Variants in FLII observed in about 807,000 individuals in gnomAD.
FLII encodes the protein FLII actin remodeling protein.
Under a neutral mutation model 156.2 loss-of-function variants are expected in FLII, and 101 were observed. That is an observed-to-expected ratio of 0.65 (90% CI 0.55 to 0.76). The LOEUF (loss-of-function observed/expected upper bound fraction) is 0.76, where lower values mean the gene tolerates loss of function less well. Among genes scored for constraint, FLII ranks in the 30% least tolerant of loss-of-function variants. The pLI, the probability that FLII is intolerant of heterozygous loss-of-function variation, is 0.00. For synonymous variants in FLII, 767 were observed against 685.8 expected (o/e 1.12, Z -1.85); for missense variants, 1,675 against 1,682.8 (o/e 1.00, Z 0.08).
rs776144241 is a variant in FLII, at chr17:18,247,172, G to A, written c.2673C>T (p.Ala891=). ...FLPRQPPMSL[A]EAEQLMEEWN... The stretch of plus-strand genomic sequence containing the variant: ...CCGGTCCCGGCCCTGCCCCCACCTC[G>A]GCCAGCGACATGGGCGGCTGCCGCG... The change falls in exon 21 of 30, where the codon GCC becomes GCT. Residue 891 remains alanine, a synonymous_variant. Transcript: ENST00000327031. 2.6e-6 allele frequency: 3 copies of A among 1,146,886 alleles called. No individual in the cohort carries two copies. The highest frequency in any genetic ancestry group is 3.3e-6 in the Non-Finnish European group (3 of 918,576). The allele number at this position is 1,146,886 out of a possible 1,614,324, so 71.0% of individuals were successfully genotyped here.
rs1436877829 is a variant in FLII, at chr17:18,254,132, T to A, written c.626A>T (p.Gln209Leu). Residue 209 changes from glutamine (Q) to leucine (L), a missense_variant, in exon 7 of 30, where the codon CAG becomes CTG. By Grantham distance (113) the Gln-to-Leu change is moderately radical (BLOSUM62 -2). Around this residue, in one of 2 missense-constraint regions of FLII, gnomAD observed 343 missense variants for 413.5 expected, o/e 0.83. Coordinates refer to ENST00000327031, the MANE Select transcript of FLII (RefSeq NM_002018.4). ...GGTGGGCAGGTTGCTCTGGGTGCGC[T>A]GGGTGCTCCGCAGGTGCAGGGTCTG... is the stretch of plus-strand genomic sequence containing the variant. ...ALQTLHLRST[Q>L]RTQSNLPTSL... The A allele has an allele frequency of 1.2e-6, 2 of 1,611,650 alleles. No homozygotes were observed. The highest frequency in any genetic ancestry group is 1.7e-6 in the Non-Finnish European group (2 of 1,179,000).
rs2048179608 is a variant in FLII at position 18,249,126 on chromosome 17, C to G, written c.1934+1G>C. 1 of 1,613,598 alleles carries G rather than the reference C, an allele frequency of 6.2e-7. No individual in the cohort carries two copies. The highest frequency in any genetic ancestry group is 1.3e-5 in the African/African-American group (1 of 74,930). On this transcript the variant is annotated splice_donor_variant, in intron 16 of 29. Coordinates refer to ENST00000327031, the MANE Select transcript of FLII (RefSeq NM_002018.4). LOFTEE classifies it high-confidence loss of function. ...CCCCACCTCACATTGTTGGGGCTCA[C>G]CTTGGGTCCAGAGAGGTCCCCTTGA...
Position 18,251,836 on chromosome 17 carries a change from G to A in FLII, c.1247-20C>T. 1 of 1,613,120 alleles carries A rather than the reference G, an allele frequency of 6.2e-7. No individual in the cohort carries two copies. The highest frequency in any genetic ancestry group is 8.5e-7 in the Non-Finnish European group (1 of 1,179,984). On this transcript the variant is annotated intron_variant, in intron 11 of 29. Coordinates refer to ENST00000327031, the MANE Select transcript of FLII (RefSeq NM_002018.4). ...TCCCTGCTTAGGGGAGGGGCAAACA[G>A]CTGAGCCCTCACTGGGCCTGCTGCC...
chr17:18,257,530 G>C (rs2048459559), intron 1 of FLII, among the ~76,000 whole-genome samples: 2 of 152,212 alleles, frequency 1.3e-5, no homozygotes, highest in African/African-American at 2.4e-5. Context: ...CTCCCCTGGT[G>C]TGTGAACGCC....
chr17:18,247,094 GCT>G, intron 21 of FLII, 42 bp from the exon 22 acceptor site: 5 of 1,595,106 alleles, frequency 3.1e-6, no homozygotes, highest in Non-Finnish European at 4.3e-6. Flanking sequence ...GTCTGAGCGC[GCT>G]CTGCGCATAG....
chr17:18,248,646 C>G lies in FLII; in HGVS notation c.2094G>C (p.Glu698Asp). The change falls in exon 18 of 30, where the codon GAG becomes GAC. Residue 698 changes from glutamate to aspartate, a missense_variant. Physicochemically the swap from Glu to Asp is conservative, Grantham distance 45. Coordinates refer to ENST00000327031, the MANE Select transcript of FLII (RefSeq NM_002018.4). ...CCAGTGCCTCCCAGAACTCTGGGAG[C>G]TCCTGGCCCTGCACCAGCAGTGTGA... ...AEITLLVQGQELPEFWEALGG... is the reference protein window; with the variant it reads ...AEITLLVQGQDLPEFWEALGG... 1 of 1,613,884 alleles carries G rather than the reference C, an allele frequency of 6.2e-7. No individual in the cohort carries two copies. The highest frequency in any genetic ancestry group is 8.5e-7 in the Non-Finnish European group (1 of 1,179,840).
At position 18,247,132 on chromosome 17, in the gene FLII, C is replaced by G. The variant is rs774983584; in HGVS notation, c.2676+37G>C. 1.4e-4 allele frequency: 75 copies of G among 536,306 alleles called. 3 individuals are homozygous for G. The African/African-American group carries it at 1.6e-3, about 12-fold the overall frequency. The allele number at this position is 536,306 out of a possible 1,614,324, so 33.2% of individuals were successfully genotyped here. A position where few individuals can be genotyped will look rare whatever the true frequency, so the allele number is the denominator to read the frequency against. The stretch of plus-strand genomic sequence containing the variant: ...GCCCCGCCCTCGGCCTGCCCCCCAC[C>G]CCCCCCCCCGCGCCCCGGTCCCGGC... On this transcript the variant is annotated intron_variant, in intron 21 of 29. Coordinates refer to ENST00000327031, the MANE Select transcript of FLII (RefSeq NM_002018.4).
At position 18,248,633 on chromosome 17, in the gene FLII, A is replaced by G. The variant is rs759951715; in HGVS notation, c.2107T>C (p.Trp703Arg). The G allele has an allele frequency of 6.2e-7, 1 of 1,613,964 alleles. No homozygotes were observed. Among genetic ancestry groups the G allele is most frequent in the Non-Finnish European group, 8.5e-7 (1 of 1,179,982 alleles). Residue 703 changes from tryptophan to arginine, a missense_variant, in exon 18 of 30, where the codon TGG becomes CGG. By Grantham distance (101) the Trp-to-Arg change is moderately radical. Transcript: ENST00000327031. ...LVQGQELPEF[W>R]EALGGEPSEI... ...GAGGGCTCCCCACCCAGTGCCTCCC[A>G]GAACTCTGGGAGCTCCTGGCCCTGC...
chr17:18,256,832 T>C (rs561365283), intron 2 of FLII, 77 bp downstream of exon 2: 28 of 979,288 alleles, frequency 2.9e-5, no homozygotes, highest in Middle Eastern at 4.8e-4. Context: ...TCTGGAGAAG[T>C]TGTCTGCCTT....
intron 3 of FLII, 137 bp downstream of exon 3, chr17:18,256,389 G>T: frequency 1.5e-6 from 1 of 673,188 alleles, no homozygotes; most frequent in Non-Finnish European, 2.6e-6. Context: ...GGGCCCCTCT[G>T]TGACACCTGA....
At position 18,245,132 on chromosome 17, in the gene FLII, C is replaced by T. The variant is rs2047982369; in HGVS notation, c.*6G>A. ...CTCACCAAGCCTGGGGCTGTGCCAG[C>T]CTGTCTTAGGCCAGGGCCTTGCAGA... On this transcript the variant is annotated 3_prime_UTR_variant, in exon 30 of 30. Coordinates refer to ENST00000327031, the MANE Select transcript of FLII (RefSeq NM_002018.4). 3.7e-6 allele frequency: 6 copies of T among 1,608,020 alleles called. No individual in the cohort carries two copies. Among genetic ancestry groups the T allele is most frequent in the Non-Finnish European group, 4.3e-6 (5 of 1,176,038 alleles).
chr17:18,246,457 T>C lies in FLII; in HGVS notation c.3057A>G (p.Val1019=). Residue 1019 remains valine (V), a synonymous_variant, in exon 24 of 30, where the codon GTA becomes GTG. Transcript: ENST00000327031. ...GGTTCTCCTGCTGCTGCGTCATGCG[T>C]ACCACCTGGGGATGTGGAAGTGTTA... ...ESLFPGKLEV[V]RMTQQQENPK... 1.2e-6 allele frequency: 2 copies of C among 1,613,942 alleles called. No homozygotes were observed. The highest frequency in any genetic ancestry group is 2.2e-5 in the South Asian group (2 of 91,084).
chr17:18,248,506 G>C (rs1270468540), intron 18 of FLII, 44 bp downstream of exon 18: 9 of 1,551,138 alleles, frequency 5.8e-6, no homozygotes, highest in East Asian at 2.3e-5. Context: ...CCAGTCGGTG[G>C]GTGAACTTGG....
intron 7 of FLII, 78 bp from the exon 8 acceptor site, chr17:18,253,797 G>T: frequency 1.4e-6 from 2 of 1,379,958 alleles, no homozygotes; most frequent in Non-Finnish European, 2.0e-6. Context: ...GTGAACCCCA[G>T]CTCTGCCACC....
Position 18,247,051 on chromosome 17 carries a change from G to C in FLII, c.2678C>G (p.Ala893Gly), listed in dbSNP as rs1301283964. The C allele has an allele frequency of 1.2e-6, 2 of 1,612,056 alleles. No individual in the cohort carries two copies. The part of the protein sequence containing the change: ...PRQPPMSLAE[A>G]EQLMEEWNED... ...GTTCCACTCCTCCATCAGCTGCTCC[G>C]CCTGCAGGTGAGAGGGACCCGCCCC... Residue 893 changes from alanine to glycine, a missense_variant and splice_region_variant, in exon 22 of 30, where the codon GCG becomes GGG. Coordinates refer to ENST00000327031, the MANE Select transcript of FLII (RefSeq NM_002018.4).
chr17:18,245,026 G>T lies in FLII; in HGVS notation c.*112C>A. ...CTGCTTGAGGCTACTGGGGACTGTG[G>T]CACTGGACGTGGCTGGAGCAGGTGG... On this transcript the variant is annotated 3_prime_UTR_variant, in exon 30 of 30. Transcript: ENST00000327031. 3 of 1,202,078 alleles carry T rather than the reference G, an allele frequency of 2.5e-6. No individual in the cohort carries two copies. Among genetic ancestry groups the T allele is most frequent in the Non-Finnish European group, 3.5e-6 (3 of 847,720 alleles). 74.5% of individuals were successfully genotyped at this position (1,202,078 alleles called of 1,614,324 possible).
At chr17:18,251,555 G>A in intron 12 of FLII, 78 bp from the exon 13 acceptor site, 2 of 1,565,724 alleles carry the variant, frequency 1.3e-6, no homozygotes. Flanking sequence ...CCACACCTCA[G>A]GGCCTTTGCA....
chr17:18,247,887 G>A (rs1217685534), intron 19 of FLII, 39 bp from the exon 20 acceptor site: 4 of 1,613,300 alleles, frequency 2.5e-6, no homozygotes, highest in Non-Finnish European at 3.4e-6. Context: ...CCCAGCCAAC[G>A]GGGAGGGATC....
chr17:18,254,950 G>A, intron 4 of FLII, 96 bp from the exon 5 acceptor site: 1 of 1,283,024 alleles, frequency 7.8e-7, no homozygotes, highest in Non-Finnish European at 1.1e-6. Context: ...GTTGGGTGTG[G>A]GGGTAGATGA....
Sources: allele counts gnomAD v4.1 joint callset (sites outside exome capture counted in the v4.1 genomes callset), GRCh38; gene constraint gnomAD v4.1.1; regional missense constraint gnomAD v4.1.1; transcripts MANE v1.5; gene names NCBI Gene and HGNC (gene_info 2026-07-23, HGNC 2026-07-21).